The following HTR4 variants were observed in gnomAD, a reference collection of about 807,000 sequenced individuals.
The protein encoded by HTR4 is 5-hydroxytryptamine (serotonin) receptor 4, G protein-coupled.
In HTR4, 16 loss-of-function variants were observed where a neutral mutation model predicts 36.8. The observed-to-expected ratio is 0.43, with a 90% confidence interval of 0.29 to 0.66. The LOEUF (loss-of-function observed/expected upper bound fraction) is 0.66. Among genes scored for constraint, HTR4 ranks in the 30% least tolerant of loss-of-function variants. The probability of loss-of-function intolerance (pLI) is 0.13; values close to 1 mark genes in which losing one functional copy is unlikely to be tolerated. For synonymous variants in HTR4, 189 were observed against 185.1 expected (o/e 1.02, Z -0.17); for missense variants, 438 against 490.9 (o/e 0.89, Z 1.02).
intron 2 of HTR4, among the ~76,000 whole-genome samples, chr5:148,628,096 C>T (rs563799352): frequency 1.3e-5 from 2 of 152,190 alleles, no homozygotes; most frequent in African/African-American, 4.8e-5. Context: ...GGATTTTAAT[C>T]CATTTTTAAA....
At chr5:148,574,201 G>A (rs1760793186) in intron 2 of HTR4, among the ~76,000 whole-genome samples, 1 of 152,050 alleles carries the variant, frequency 6.6e-6, no homozygotes, top group African/African-American at 2.4e-5. Context: ...AAAGTTTGTG[G>A]TGCTAAATAT....
intron 5 of HTR4, among the ~76,000 whole-genome samples, chr5:148,464,034 C>CAAA (rs34212190): frequency 1.9e-4 from 19 of 99,646 alleles, no homozygotes; most frequent in East Asian, 2.7e-4. Context: ...CATTGACATG[C>CAAA]AAAAAAAAAA....
intron 2 of HTR4, among the ~76,000 whole-genome samples, chr5:148,585,180 G>A (rs769388656): frequency 6.6e-6 from 1 of 152,102 alleles, no homozygotes; most frequent in Non-Finnish European, 1.5e-5. Flanking sequence ...GCTTAAAATG[G>A]CACATTGCAA....
intron 2 of HTR4, among the ~76,000 whole-genome samples, chr5:148,551,286 T>C (rs148502347): frequency 8.6e-4 from 131 of 152,348 alleles, no homozygotes; most frequent in African/African-American, 3.0e-3. Context: ...CTTACATCAG[T>C]TCACCTGGAC....
At chr5:148,537,172 G>C (rs975417506) in intron 4 of HTR4, among the ~76,000 whole-genome samples, 2 of 152,136 alleles carry the variant, frequency 1.3e-5, no homozygotes, top group Non-Finnish European at 2.9e-5. Context: ...CAGAAATCAA[G>C]AAGTTCTTTG....
intron 2 of HTR4, chr5:148,629,042 T>TCCGCTGATTTGCAC (rs1194936810): frequency 1.3e-5 from 2 of 152,104 alleles, no homozygotes; most frequent in African/African-American, 4.8e-5. Flanking sequence ...GCTATTTGCA[T>TCCGCTGATTTGCAC]CCGCTGATTT....
intron 5 of HTR4, among the ~76,000 whole-genome samples, chr5:148,463,130 TTTTGC>T (rs960548852): frequency 2.0e-5 from 3 of 151,750 alleles, no homozygotes; most frequent in East Asian, 1.9e-4. Context: ...TCACCACTGC[TTTTGC>T]TTTGCTTTGC....
chr5:148,599,410 C>T (rs1761900507), intron 2 of HTR4, among the ~76,000 whole-genome samples: 2 of 152,032 alleles, frequency 1.3e-5, no homozygotes, highest in South Asian at 2.1e-4. Flanking sequence ...GAAATAGACA[C>T]ATTTCTTCAA....
intron 5 of HTR4, among the ~76,000 whole-genome samples, chr5:148,460,105 A>G (rs985161206): frequency 6.6e-6 from 1 of 152,132 alleles, no homozygotes; most frequent in Non-Finnish European, 1.5e-5. Flanking sequence ...TTGAAAATAA[A>G]AAAAAGACAG....
intron 6 of HTR4, among the ~76,000 whole-genome samples, chr5:148,498,583 A>G (rs562320700): frequency 1.3e-5 from 2 of 152,324 alleles, no homozygotes; most frequent in Admixed American, 6.5e-5. Flanking sequence ...AATACTTGAT[A>G]TAACAGGAAT....
intron 5 of HTR4, among the ~76,000 whole-genome samples, chr5:148,461,467 A>T (rs1378123391): frequency 6.6e-6 from 1 of 152,062 alleles, no homozygotes; most frequent in African/African-American, 2.4e-5. Flanking sequence ...GAGAGCAGTT[A>T]TATTAATTTT....
chr5:148,456,018 C>T (rs960019460), intron 5 of HTR4, among the ~76,000 whole-genome samples: 3 of 152,064 alleles, frequency 2.0e-5, no homozygotes, highest in Non-Finnish European at 2.9e-5. Flanking sequence ...ACGGTTCAAA[C>T]CCACGTTGTT....
chr5:148,598,664 C>A (rs563260365), intron 2 of HTR4, among the ~76,000 whole-genome samples: 1 of 152,274 alleles, frequency 6.6e-6, no homozygotes, highest in Non-Finnish European at 1.5e-5. Flanking sequence ...TAAAAAGTGT[C>A]TTGGAACACA....
At chr5:148,540,400 G>GTATATATATATATATATA (rs56021250) in intron 4 of HTR4, among the ~76,000 whole-genome samples, 1 of 74,326 alleles carries the variant, frequency 1.3e-5, no homozygotes, top group Non-Finnish European at 2.4e-5. Flanking sequence ...TTATGTGTGT[G>GTATATATATATATATATA]TATATATATA....
intron 2 of HTR4, among the ~76,000 whole-genome samples, chr5:148,600,353 T>C (rs1383413619): frequency 1.4e-5 from 2 of 147,872 alleles, no homozygotes; most frequent in Non-Finnish European, 1.5e-5. Context: ...ATATATATTT[T>C]TTTTTCACAC....
intron 1 of HTR4, among the ~76,000 whole-genome samples, chr5:148,637,617 A>T (rs1446567741): frequency 6.6e-6 from 1 of 152,126 alleles, no homozygotes; most frequent in African/African-American, 2.4e-5. Context: ...GGAATCCAGG[A>T]ATCCCAGGCC....
intron 4 of HTR4, among the ~76,000 whole-genome samples, chr5:148,541,517 G>A (rs1472099304): frequency 1.3e-5 from 2 of 152,192 alleles, no homozygotes; most frequent in Non-Finnish European, 2.9e-5. Flanking sequence ...TGGGAGCTCA[G>A]AGGAAGAAAT....
intron 5 of HTR4, among the ~76,000 whole-genome samples, chr5:148,452,013 T>TCAAGGA (rs1754985542): frequency 1.3e-5 from 2 of 152,216 alleles, no homozygotes. Flanking sequence ...GAGGCCAGTG[T>TCAAGGA]CAAGCACTTT....
At chr5:148,626,804 A>C (rs1255310188) in intron 2 of HTR4, among the ~76,000 whole-genome samples, 2 of 152,188 alleles carry the variant, frequency 1.3e-5, no homozygotes, top group Admixed American at 1.3e-4. Flanking sequence ...TTTTATATTT[A>C]ATTGACCATA....
Sources: gnomAD v4.1 joint callset for allele counts (sites outside exome capture counted in the v4.1 genomes callset) on GRCh38, gnomAD v4.1.1 for gene constraint, MANE v1.5 for transcripts, NCBI Gene and HGNC (gene_info 2026-07-23, HGNC 2026-07-21) for gene names.